The following KBTBD2 variants were observed in gnomAD, a reference collection of about 807,000 sequenced individuals.
KBTBD2 encodes kelch repeat and BTB domain containing 2.
Under a neutral mutation model 57.1 loss-of-function variants are expected in KBTBD2, and 17 were observed. That is an observed-to-expected ratio of 0.30 (90% CI 0.20 to 0.45). The LOEUF (loss-of-function observed/expected upper bound fraction) is 0.45, where lower values mean the gene tolerates loss of function less well. KBTBD2 is among the 20% of genes least tolerant of loss of function. The pLI, the probability that KBTBD2 is intolerant of heterozygous loss-of-function variation, is 1.00. For synonymous variants in KBTBD2, 267 were observed against 262.7 expected, an observed-to-expected ratio of 1.02 and a Z score of -0.16; for missense variants, 515 against 750.6, an observed-to-expected ratio of 0.69 and a Z score of 3.67.
At chr7:32,889,556 G>A (rs1784676796) in intron 1 of KBTBD2, among the ~76,000 whole-genome samples, 1 of 151,916 alleles carries the variant, frequency 6.6e-6, no homozygotes, top group Non-Finnish European at 1.5e-5. Flanking sequence ...AGCCGAGATC[G>A]TGACACTGCA....
chr7:32,879,197 T>C (rs1480472757), intron 2 of KBTBD2, among the ~76,000 whole-genome samples: 1 of 152,208 alleles, frequency 6.6e-6, no homozygotes, highest in Non-Finnish European at 1.5e-5. Context: ...TCTAAACCTT[T>C]CTGCCTTCCC....
At chr7:32,890,679 T>C (rs1784709855) in intron 1 of KBTBD2, among the ~76,000 whole-genome samples, 1 of 152,212 alleles carries the variant, frequency 6.6e-6, no homozygotes, top group Admixed American at 6.5e-5. Context: ...ATAAGGCTAA[T>C]TGACACAGAA....
At chr7:32,874,803 C>T in intron 3 of KBTBD2, 189 bp downstream of exon 3, 1 of 458,290 alleles carries the variant, frequency 2.2e-6, no homozygotes, top group Non-Finnish European at 3.9e-6. Flanking sequence ...ACCAGCCTGA[C>T]CAACATGGTG....
chr7:32,881,690 C>T (rs750193749), intron 1 of KBTBD2, among the ~76,000 whole-genome samples: 1 of 152,200 alleles, frequency 6.6e-6, no homozygotes, highest in African/African-American at 2.4e-5. Context: ...CACTATAAAT[C>T]TGAGTTCTAC....
intron 1 of KBTBD2, among the ~76,000 whole-genome samples, chr7:32,883,125 C>T (rs868784706): frequency 7.2e-5 from 11 of 152,256 alleles, no homozygotes; most frequent in African/African-American, 2.6e-4. Context: ...AATCCCAGCA[C>T]TTTGGGAGGC....
rs566451996 is a variant in KBTBD2, at chr7:32,875,990, A to G, written c.171-833T>C. ...CTGTAAATATACTAAAATTCATTTA[A>G]TTATATACTTAAAATGGGTAGATTT... is the stretch of plus-strand genomic sequence containing the variant. On this transcript the variant is annotated intron_variant, in intron 2 of 3. Coordinates refer to ENST00000304056, the MANE Select transcript of KBTBD2 (RefSeq NM_015483.3). Among the ~76,000 whole-genome samples, 12 of 152,316 alleles carry G rather than the reference A, an allele frequency of 7.9e-5. No individual in the cohort carries two copies. In the East Asian group the frequency reaches 2.3e-3, roughly 29 times the overall value.
At chr7:32,881,940 C>T (rs1435738611) in intron 1 of KBTBD2, among the ~76,000 whole-genome samples, 4 of 152,186 alleles carry the variant, frequency 2.6e-5, no homozygotes, top group African/African-American at 9.7e-5. Flanking sequence ...ATTATGAAAT[C>T]CTCTCAAGAA....
chr7:32,875,559 A>C (rs1280004448), intron 2 of KBTBD2, among the ~76,000 whole-genome samples: 1 of 152,218 alleles, frequency 6.6e-6, no homozygotes, highest in Admixed American at 6.5e-5. Context: ...GGCATGAGCC[A>C]CTGTGCCTAG....
chr7:32,879,286 T>C, intron 2 of KBTBD2, 149 bp downstream of exon 2: 1 of 583,852 alleles, frequency 1.7e-6, no homozygotes, highest in Non-Finnish European at 3.0e-6. Flanking sequence ...CATGTGTCTC[T>C]TACACATGCA....
chr7:32,891,852 G>C, upstream of KBTBD2: 1 of 116,798 alleles, frequency 8.6e-6, no homozygotes, highest in Non-Finnish European at 1.8e-5. Context: ...CGCCTTGTCA[G>C]TCCGGGGCCG....
chr7:32,877,644 A>G (rs1583780507), intron 2 of KBTBD2, among the ~76,000 whole-genome samples: 1 of 152,336 alleles, frequency 6.6e-6, no homozygotes, highest in East Asian at 1.9e-4. Flanking sequence ...AAAAGCTCAA[A>G]TTATATCCTG....
chr7:32,884,680 G>A (rs1469640002), intron 1 of KBTBD2, among the ~76,000 whole-genome samples: 1 of 151,866 alleles, frequency 6.6e-6, no homozygotes, highest in African/African-American at 2.4e-5. Context: ...ACAAGAGAGA[G>A]ACTCAGTCTC....
In KBTBD2 at chr7:32,879,480, A is replaced by T; in HGVS notation, c.125T>A (p.Phe42Tyr). ...DIVLIVEGTE[F>Y]PCHKMVLATC... ...TGCAAGAACCATCTTATGACAAGGGAATTCAGTGCCCTCAACAATTAACAC... is the reference window on the plus strand; with the variant it reads ...TGCAAGAACCATCTTATGACAAGGGTATTCAGTGCCCTCAACAATTAACAC... Residue 42 changes from phenylalanine (F) to tyrosine (Y), a missense_variant, in exon 2 of 4, where the codon TTC (phenylalanine) becomes TAC (tyrosine). Coordinates refer to ENST00000304056, the MANE Select transcript of KBTBD2 (RefSeq NM_015483.3). 6.2e-7 allele frequency: 1 copy of T among 1,613,196 alleles called. No individual in the cohort carries two copies. Among genetic ancestry groups the T allele is most frequent in the Admixed American group, 1.7e-5 (1 of 60,002 alleles).
intron 3 of KBTBD2, among the ~76,000 whole-genome samples, chr7:32,872,120 A>G (rs1784193724): frequency 6.6e-6 from 1 of 152,144 alleles, no homozygotes; most frequent in African/African-American, 2.4e-5. Context: ...GGATTACTTG[A>G]GCCCAGCAAT....
chr7:32,873,758 A>T (rs1281278775), intron 3 of KBTBD2, among the ~76,000 whole-genome samples: 1 of 152,136 alleles, frequency 6.6e-6, no homozygotes, highest in Non-Finnish European at 1.5e-5. Flanking sequence ...TTTAACTTGA[A>T]ATCAAAATTC....
At chr7:32,871,269 T>C (rs1784171587) in intron 3 of KBTBD2, among the ~76,000 whole-genome samples, 1 of 152,228 alleles carries the variant, frequency 6.6e-6, no homozygotes, top group African/African-American at 2.4e-5. Flanking sequence ...AAATTATTGT[T>C]GTTGAATAAC....
At chr7:32,877,865 T>C (rs1178030160) in intron 2 of KBTBD2, among the ~76,000 whole-genome samples, 1 of 152,050 alleles carries the variant, frequency 6.6e-6, no homozygotes, top group Non-Finnish European at 1.5e-5. Flanking sequence ...TTCCAGCACT[T>C]TGGGAGGCCG....
intron 3 of KBTBD2, among the ~76,000 whole-genome samples, chr7:32,873,955 A>T (rs1784244949): frequency 6.6e-6 from 1 of 152,146 alleles, no homozygotes. Context: ...GTAATAAGAA[A>T]ATTACATAGA....
chr7:32,891,785 G>A (rs1328488052), upstream of KBTBD2: 1 of 150,988 alleles, frequency 6.6e-6, no homozygotes, highest in Non-Finnish European at 1.5e-5. Context: ...ACGCTCCTCA[G>A]GGCCCGACCA....
Sources: allele counts gnomAD v4.1 joint callset (sites outside exome capture counted in the v4.1 genomes callset), GRCh38; gene constraint gnomAD v4.1.1; transcripts MANE v1.5; gene names NCBI Gene and HGNC (gene_info 2026-07-23, HGNC 2026-07-21).